GABRA2: variants seen among roughly 807,000 people sequenced by gnomAD.
GABRA2 encodes the protein gamma-aminobutyric acid type A receptor subunit alpha2, also known as gamma-aminobutyric acid receptor subunit alpha-2.
GABRA2 carries 16 observed loss-of-function variants against 48.7 expected under a neutral mutation model. The observed-to-expected ratio is 0.33, with a 90% CI of 0.22 to 0.50. The LOEUF is 0.50. Among genes scored for constraint, GABRA2 ranks in the 20% least tolerant of loss-of-function variants. The probability of loss-of-function intolerance (pLI) is 0.98; values close to 1 mark genes in which losing one functional copy is unlikely to be tolerated. For missense variants in GABRA2, 275 were observed against 535.6 expected, an observed-to-expected ratio of 0.51 and a Z score of 4.80; for synonymous variants, 185 against 184.5, an observed-to-expected ratio of 1.00 and a Z score of -0.02.
chr4:46,343,038 T>C (rs1389367828), intron 3 of GABRA2, among the ~76,000 whole-genome samples: 3 of 151,962 alleles, frequency 2.0e-5, no homozygotes, highest in East Asian at 3.9e-4. Context: ...TTTAAAATAG[T>C]AACTTACTTA....
At chr4:46,291,214 G>C (rs1429006648) in intron 8 of GABRA2, among the ~76,000 whole-genome samples, 3 of 152,084 alleles carry the variant, frequency 2.0e-5, no homozygotes, top group Non-Finnish European at 2.9e-5. Context: ...TCTGGTTCTA[G>C]ACTTGTTGTT....
intron 8 of GABRA2, among the ~76,000 whole-genome samples, chr4:46,290,481 C>T (rs1399151135): frequency 6.6e-6 from 1 of 151,930 alleles, no homozygotes; most frequent in African/African-American, 2.4e-5. Flanking sequence ...ACAAGTCTTT[C>T]ACCTTTTTGG....
chr4:46,339,498 T>G (rs1455555746), intron 3 of GABRA2, among the ~76,000 whole-genome samples: 1 of 152,002 alleles, frequency 6.6e-6, no homozygotes, highest in East Asian at 1.9e-4. Context: ...AAATTCTTAC[T>G]CTTAGTTCAC....
chr4:46,379,762 CAAACATCACAGCTTTTCAAAG>C (rs1716505757), intron 3 of GABRA2, among the ~76,000 whole-genome samples: 1 of 152,190 alleles, frequency 6.6e-6, no homozygotes, highest in Admixed American at 6.5e-5. Context: ...AGGAGAATGC[CAAACATCACAGCTTTTCAAAG>C]AAGCAGAAGC....
chr4:46,377,666 GCCGCCC>G (rs1380484966), intron 3 of GABRA2, among the ~76,000 whole-genome samples: 15 of 147,062 alleles, frequency 1.0e-4, no homozygotes, highest in East Asian at 4.3e-4. Flanking sequence ...CCTCTGCCCG[GCCGCCC>G]CTACTGGGAA....
At chr4:46,306,588 T>C (rs1726741468) in intron 6 of GABRA2, among the ~76,000 whole-genome samples, 1 of 152,204 alleles carries the variant, frequency 6.6e-6, no homozygotes, top group South Asian at 2.1e-4. Flanking sequence ...ATTCTTTCTA[T>C]ACTACTGACC....
At chr4:46,312,430 G>A in intron 5 of GABRA2, 66 bp downstream of exon 5, 1 of 1,036,516 alleles carries the variant, frequency 9.6e-7, no homozygotes, top group Non-Finnish European at 1.5e-6. Flanking sequence ...AGCTAGATTG[G>A]CTGGTTGTTT....
chr4:46,373,695 G>C (rs185552491), intron 3 of GABRA2, among the ~76,000 whole-genome samples: 103 of 152,204 alleles, frequency 6.8e-4, no homozygotes, highest in African/African-American at 2.4e-3. Context: ...TTCCTTAAAA[G>C]TGACTCTACA....
At chr4:46,387,834 A>C (rs1379305576) in intron 2 of GABRA2, among the ~76,000 whole-genome samples, 1 of 152,172 alleles carries the variant, frequency 6.6e-6, no homozygotes, top group Admixed American at 6.5e-5. Flanking sequence ...AAAAATAAAT[A>C]GTTACAAGAA....
intron 2 of GABRA2, among the ~76,000 whole-genome samples, chr4:46,387,877 G>A (rs1176529750): frequency 6.6e-6 from 1 of 151,946 alleles, no homozygotes; most frequent in African/African-American, 2.4e-5. Context: ...TAAGTCTTCT[G>A]GTATTTTGAG....
At chr4:46,289,798 G>T (rs113732167) in intron 8 of GABRA2, among the ~76,000 whole-genome samples, 1,812 of 152,102 alleles carry the variant, frequency 0.012, 39 homozygotes, top group African/African-American at 0.041. Flanking sequence ...GTGTCTGTTC[G>T]TATGCCAGCA....
At chr4:46,300,173 C>G (rs1725490041) in intron 8 of GABRA2, among the ~76,000 whole-genome samples, 1 of 151,544 alleles carries the variant, frequency 6.6e-6, no homozygotes, top group Non-Finnish European at 1.5e-5. Flanking sequence ...CATTTCAATC[C>G]TATTTCACTC....
intron 3 of GABRA2, among the ~76,000 whole-genome samples, chr4:46,373,284 T>C (rs149945082): frequency 2.1e-4 from 32 of 152,126 alleles, no homozygotes; most frequent in African/African-American, 7.7e-4. Flanking sequence ...TAAATGACCC[T>C]CCCTGTTAAA....
In GABRA2 at chr4:46,361,970, G is replaced by A. The variant is rs115200600; in HGVS notation, c.187+24104C>T. On this transcript the variant is annotated intron_variant, in intron 3 of 9. Transcript: ENST00000381620. ...TGTATTTATGCCTGTACCCACTATT[G>A]TATCTAGGAAGTAACTAACTTGCTT... Among the ~76,000 whole-genome samples, 580 of 152,294 alleles carry A rather than the reference G, an allele frequency of 3.8e-3. 6 individuals are homozygous for A. Among genetic ancestry groups the A allele is most frequent in the African/African-American group, 0.013 (546 of 41,572 alleles).
chr4:46,291,414 T>C (rs945154766), intron 8 of GABRA2, among the ~76,000 whole-genome samples: 1 of 152,140 alleles, frequency 6.6e-6, no homozygotes, highest in African/African-American at 2.4e-5. Flanking sequence ...CTTGACTGGA[T>C]TGAAGGATGC....
intron 3 of GABRA2, chr4:46,366,545 C>A (rs1303548593): frequency 5.3e-5 from 8 of 151,994 alleles, no homozygotes; most frequent in Admixed American, 3.9e-4. Flanking sequence ...ATAGAATATC[C>A]ATGCCATCAC....
intron 9 of GABRA2, among the ~76,000 whole-genome samples, chr4:46,254,716 A>C (rs906986434): frequency 6.6e-6 from 1 of 151,544 alleles, no homozygotes; most frequent in Non-Finnish European, 1.5e-5. Flanking sequence ...TTTGAAAGCT[A>C]TGCGTGAATG....
chr4:46,311,933 T>C (rs1727712982), intron 5 of GABRA2, among the ~76,000 whole-genome samples: 1 of 152,104 alleles, frequency 6.6e-6, no homozygotes. Context: ...ACACCGTCTC[T>C]ACTAAAAATA....
At chr4:46,314,292 A>G (rs1277699045) in intron 4 of GABRA2, among the ~76,000 whole-genome samples, 1 of 152,116 alleles carries the variant, frequency 6.6e-6, no homozygotes, top group Non-Finnish European at 1.5e-5. Flanking sequence ...ATGAATTTTA[A>G]CACTTTTTAT....
Sources: allele counts gnomAD v4.1 joint callset (sites outside exome capture counted in the v4.1 genomes callset), GRCh38; gene constraint gnomAD v4.1.1; transcripts MANE v1.5; gene names NCBI Gene and HGNC (gene_info 2026-07-23, HGNC 2026-07-21).